The following VPS13D variants were observed in gnomAD, a reference collection of about 807,000 sequenced individuals.
VPS13D encodes the protein intermembrane lipid transfer protein VPS13D.
Under a neutral mutation model 461.9 loss-of-function variants are expected in VPS13D, and 187 were observed. The observed-to-expected ratio is 0.40, with a 90% CI of 0.36 to 0.46. The LOEUF (loss-of-function observed/expected upper bound fraction) is 0.46. Among genes scored for constraint, VPS13D ranks in the 20% least tolerant of loss-of-function variants. The pLI, the probability that VPS13D is intolerant of heterozygous loss-of-function variation, is 0.60. For synonymous variants in VPS13D, 1,951 were observed against 1,986.3 expected, an observed-to-expected ratio of 0.98 and a Z score of 0.47; for missense variants, 4,711 against 5,364.9, an observed-to-expected ratio of 0.88 and a Z score of 3.81.
intron 67 of VPS13D, among the ~76,000 whole-genome samples, chr1:12,482,844 T>G (rs995883739): frequency 6.7e-6 from 1 of 148,690 alleles, no homozygotes; most frequent in Non-Finnish European, 1.5e-5. Context: ...GTACATATGT[T>G]GATGTCTAAT....
chr1:12,433,970 G>GTGT (rs753888129), intron 65 of VPS13D, among the ~76,000 whole-genome samples: 16 of 141,028 alleles, frequency 1.1e-4, no homozygotes, highest in African/African-American at 4.0e-4. Flanking sequence ...GTGTGTGTGT[G>GTGT]GAGGAGGAGG....
chr1:12,372,800 C>CTTTT (rs764284126), intron 54 of VPS13D, among the ~76,000 whole-genome samples: 1 of 126,774 alleles, frequency 7.9e-6, no homozygotes, highest in South Asian at 2.5e-4. Flanking sequence ...AATCCATTAC[C>CTTTT]TTTTTTTTTT....
Position 12,497,536 on chromosome 1 carries a change from C to T in VPS13D, c.12699C>T (p.Cys4233=). The change falls in exon 68 of 70, where the codon TGC becomes TGT. Residue 4233 remains cysteine, a synonymous_variant. Coordinates refer to ENST00000620676, the MANE Select transcript of VPS13D (RefSeq NM_015378.4). ...AGAGGGTTCGGAAACCGCGTTGCTG[C>T]ACGGGGCCCCAGGGGCTGCTTCCCC... The part of the protein sequence containing the change: ...QAQRVRKPRC[C]TGPQGLLPRY... 6.2e-7 allele frequency: 1 copy of T among 1,614,108 alleles called. No individual in the cohort carries two copies. Among genetic ancestry groups the T allele is most frequent in the Non-Finnish European group, 8.5e-7 (1 of 1,180,000 alleles).
In VPS13D at chr1:12,283,193, A is replaced by G. The variant is rs1172304752; in HGVS notation, c.5091A>G (p.Pro1697=). 1.5e-5 allele frequency: 25 copies of G among 1,614,048 alleles called. No individual in the cohort carries two copies. Among genetic ancestry groups the G allele is most frequent in the Non-Finnish European group, 1.8e-5 (21 of 1,180,018 alleles). Residue 1697 remains proline, a synonymous_variant, in exon 21 of 70, where the codon CCA becomes CCG. Transcript: ENST00000620676. ...TGGTGTCTCGAGGAGCCCCTAAGCCATCTAGTTTAGCACAAAAAGAATACC... is the reference window on the plus strand; with the variant it reads ...TGGTGTCTCGAGGAGCCCCTAAGCCGTCTAGTTTAGCACAAAAAGAATACC... ...NLMVSRGAPK[P]SSLAQKEYLS...
At chr1:12,324,270 G>C (rs1185292118) in intron 35 of VPS13D, among the ~76,000 whole-genome samples, 1 of 152,206 alleles carries the variant, frequency 6.6e-6, no homozygotes, top group Non-Finnish European at 1.5e-5. Context: ...CACTCTGGGA[G>C]CAGAGGCAGA....
intron 27 of VPS13D, among the ~76,000 whole-genome samples, chr1:12,311,206 A>G (rs1217388606): frequency 6.6e-6 from 1 of 152,078 alleles, no homozygotes; most frequent in Non-Finnish European, 1.5e-5. Context: ...GTGAGCCACC[A>G]CACCTGGCCT....
rs1443583001 is a variant in VPS13D at position 12,413,290 on chromosome 1, G to C, written c.12031-1797G>C. ...TGGATCACTTGAGGCCAGGAGTTGA[G>C]CAACAAAGTGAGACCCTGTCTCTCC... On this transcript the variant is annotated intron_variant, in intron 63 of 69. Coordinates refer to ENST00000620676, the MANE Select transcript of VPS13D (RefSeq NM_015378.4). 4.0e-5 allele frequency among the ~76,000 whole-genome samples: 6 copies of C among 150,986 alleles called. 1 individual carries two copies. Among genetic ancestry groups the C allele is most frequent in the Admixed American group, 3.3e-4 (5 of 15,166 alleles).
intron 68 of VPS13D, among the ~76,000 whole-genome samples, chr1:12,498,367 T>C (rs1645988783): frequency 6.6e-6 from 1 of 152,104 alleles, no homozygotes; most frequent in Non-Finnish European, 1.5e-5. Flanking sequence ...CTGTGGGTGT[T>C]TTTCGGTGGG....
chr1:12,288,227 A>G lies in VPS13D; in HGVS notation c.5639A>G (p.His1880Arg), dbSNP rs748035572. The G allele has an allele frequency of 1.2e-6, 2 of 1,613,206 alleles. No individual in the cohort carries two copies. The highest frequency in any genetic ancestry group is 1.7e-6 in the Non-Finnish European group (2 of 1,179,288). Residue 1880 changes from histidine to arginine, a missense_variant, in exon 22 of 70, where the codon CAT becomes CGT. Physicochemically the swap from His to Arg is conservative, Grantham distance 29. Transcript: ENST00000620676. ...PVNTKLDLKV[H>R]SLSLVLNKTT... The stretch of plus-strand genomic sequence containing the variant: ...CTTTATCTTGTCTGTTCCTAGGTTC[A>G]TTCACTTTCTCTAGTGCTGAATAAG...
chr1:12,344,296 G>A (rs1251692417), intron 42 of VPS13D, among the ~76,000 whole-genome samples: 3 of 152,182 alleles, frequency 2.0e-5, no homozygotes, highest in Non-Finnish European at 4.4e-5. Flanking sequence ...TTCAGTTCCT[G>A]AGTGTAAACT....
chr1:12,337,581 G>A (rs910691385), intron 39 of VPS13D: 6 of 152,200 alleles, frequency 3.9e-5, no homozygotes, highest in Non-Finnish European at 2.9e-5. Context: ...TGTTGGCTTT[G>A]TTCAGTCAGG....
intron 59 of VPS13D, 75 bp downstream of exon 59, chr1:12,385,448 C>A: frequency 8.4e-7 from 1 of 1,195,778 alleles, no homozygotes; most frequent in South Asian, 1.4e-5. Flanking sequence ...TATTTTAGAC[C>A]TTCTGTTTTC....
At chr1:12,323,462 C>T (rs1239000863) in intron 34 of VPS13D, among the ~76,000 whole-genome samples, 1 of 151,700 alleles carries the variant, frequency 6.6e-6, no homozygotes, top group Non-Finnish European at 1.5e-5. Flanking sequence ...CGAAATAGAC[C>T]TTCCCCCCCC....
intron 61 of VPS13D, 106 bp from the exon 62 acceptor site, chr1:12,401,502 C>A: frequency 1.4e-6 from 1 of 727,834 alleles, no homozygotes; most frequent in Non-Finnish European, 2.2e-6. Context: ...AGTTATAAAG[C>A]CACATGATTA....
chr1:12,288,018 A>G (rs1642021668), intron 21 of VPS13D, among the ~76,000 whole-genome samples: 1 of 152,196 alleles, frequency 6.6e-6, no homozygotes, highest in African/African-American at 2.4e-5. Context: ...ACAGAAACTG[A>G]AATTTAGACT....
At chr1:12,255,026 A>C (rs945078136) in intron 7 of VPS13D, among the ~76,000 whole-genome samples, 6 of 151,102 alleles carry the variant, frequency 4.0e-5, no homozygotes, top group Non-Finnish European at 7.4e-5. Flanking sequence ...GCTCACTGCA[A>C]CCTCCACCTC....
chr1:12,414,720 A>T (rs572268034), intron 63 of VPS13D, among the ~76,000 whole-genome samples: 1 of 152,318 alleles, frequency 6.6e-6, no homozygotes, highest in South Asian at 2.1e-4. Flanking sequence ...CACTTTGGGA[A>T]AAATCATTTG....
Position 12,507,354 on chromosome 1 carries a change from G to C in VPS13D, c.13035+261G>C. 4 of 701,374 alleles carry C rather than the reference G, an allele frequency of 5.7e-6. No individual in the cohort carries two copies. 43.4% of individuals were successfully genotyped at this position (701,374 alleles called of 1,614,324 possible). On this transcript the variant is annotated intron_variant, in intron 69 of 69. Coordinates refer to ENST00000620676, the MANE Select transcript of VPS13D (RefSeq NM_015378.4). The surrounding 1 kb of genome is among the most constrained non-coding windows in gnomAD (Gnocchi z 5.3). ...TGTGCCTCAGTTACCCGTAGATGTA[G>C]TGAGGGTAACAATACTTACTCTCGT...
chr1:12,296,839 TATG>T (rs1266207070), intron 24 of VPS13D, among the ~76,000 whole-genome samples: 5 of 152,216 alleles, frequency 3.3e-5, no homozygotes, highest in African/African-American at 1.2e-4. Context: ...TGGTAAGTCT[TATG>T]GTGGTGAATC....
Sources: allele counts gnomAD v4.1 joint callset (sites outside exome capture counted in the v4.1 genomes callset), GRCh38; gene constraint gnomAD v4.1.1; non-coding constraint Gnocchi (gnomAD v3.1); transcripts MANE v1.5; gene names NCBI Gene and HGNC (gene_info 2026-07-23, HGNC 2026-07-21).